The following PCDH7 variants were observed in gnomAD, a reference collection of about 807,000 sequenced individuals.
The protein encoded by PCDH7 is protocadherin-7.
PCDH7 carries 17 observed loss-of-function variants against 58.9 expected under a neutral mutation model. The observed-to-expected ratio is 0.29, with a 90% CI of 0.20 to 0.43. The LOEUF is 0.43. Ranked by LOEUF, PCDH7 falls within the 20% of genes least tolerant of loss-of-function variation. The pLI is 1.00. For synonymous variants in PCDH7, 664 were observed against 616.4 expected, an observed-to-expected ratio of 1.08 and a Z score of -1.14; for missense variants, 1,274 against 1,441.0, an observed-to-expected ratio of 0.88 and a Z score of 1.88.
At chr4:30,795,635 T>A (rs1296154034) in intron 1 of PCDH7, among the ~76,000 whole-genome samples, 3 of 152,204 alleles carry the variant, frequency 2.0e-5, no homozygotes, top group Non-Finnish European at 4.4e-5. Context: ...GCATGAGAAT[T>A]GCAAGGTTGT....
exon 1 of PCDH7, chr4:30,724,135 A>G (rs747566684): frequency 6.2e-7 from 1 of 1,614,078 alleles, no homozygotes; most frequent in Non-Finnish European, 8.5e-7. Flanking sequence ...AAGGTACTGC[A>G]GGTCCAAAAA....
At chr4:30,736,758 G>A (rs1171411906), downstream of PCDH7, among the ~76,000 whole-genome samples, 1 of 151,776 alleles carries the variant, frequency 6.6e-6, no homozygotes, top group South Asian at 2.1e-4. Context: ...GGATGGTCTC[G>A]ATATCTTGAC....
chr4:30,766,459 T>C (rs1402074755), intron 1 of PCDH7, among the ~76,000 whole-genome samples: 3 of 152,168 alleles, frequency 2.0e-5, no homozygotes, highest in Non-Finnish European at 4.4e-5. Context: ...AGTGATTTGA[T>C]CTAACAAGAC....
chr4:31,054,799 G>A (rs919001228), intron 3 of PCDH7, among the ~76,000 whole-genome samples: 2 of 152,148 alleles, frequency 1.3e-5, no homozygotes, highest in African/African-American at 2.4e-5. Flanking sequence ...TGTTGGTATC[G>A]TTCAGGTTAA....
chr4:31,014,936 T>C (rs1324196676), intron 3 of PCDH7, among the ~76,000 whole-genome samples: 1 of 152,184 alleles, frequency 6.6e-6, no homozygotes, highest in Non-Finnish European at 1.5e-5. Flanking sequence ...TTCTAGAATA[T>C]AAGCTAATGT....
chr4:30,968,388 A>ACAC (rs778938945), intron 3 of PCDH7, among the ~76,000 whole-genome samples: 4 of 54,560 alleles, frequency 7.3e-5, no homozygotes, highest in African/African-American at 5.1e-4. Flanking sequence ...ATATATATAT[A>ACAC]TATATATATA....
rs757274845 is a variant in PCDH7 at position 30,723,745 on chromosome 4, A to G, written c.2323A>G (p.Ile775Val). Residue 775 changes from isoleucine to valine, a missense_variant, in exon 1 of 2, where the codon ATC (isoleucine) becomes GTC (valine). Physicochemically the swap from Ile to Val is conservative, Grantham distance 29. Around this residue, in one of 3 missense-constraint regions of PCDH7, gnomAD observed 731 missense variants for 881.9 expected, o/e 0.83. Coordinates refer to ENST00000361762, the Ensembl canonical transcript of PCDH7. This position sits in a 1 kb window ranked among gnomAD's most constrained non-coding sequence, Gnocchi z 4.6. Reference sequence around the variant, plus strand: ...GTTGGCAACAGACAGTGATGATGGCATCAATGCAGACCTGAACTACAGCAT... The same window carrying G: ...GTTGGCAACAGACAGTGATGATGGCGTCAATGCAGACCTGAACTACAGCAT... The G allele has an allele frequency of 7.4e-6, 12 of 1,614,222 alleles. No homozygotes were observed. The highest frequency in any genetic ancestry group is 1.3e-5 in the African/African-American group (1 of 75,066).
chr4:31,136,024 A>G (rs1719557438), intron 3 of PCDH7, among the ~76,000 whole-genome samples: 1 of 152,238 alleles, frequency 6.6e-6, no homozygotes, highest in South Asian at 2.1e-4. Context: ...TTAAACATTT[A>G]TTACACAGAT....
chr4:31,142,233 A>T (rs1720350588), intron 3 of PCDH7, among the ~76,000 whole-genome samples: 1 of 152,138 alleles, frequency 6.6e-6, no homozygotes, highest in Admixed American at 6.5e-5. Context: ...TCATCTACAC[A>T]CTTAAATGTA....
chr4:30,834,247 G>T (rs1466847493), intron 1 of PCDH7, among the ~76,000 whole-genome samples: 1 of 152,116 alleles, frequency 6.6e-6, no homozygotes, highest in Non-Finnish European at 1.5e-5. Context: ...TTGGTTTAAT[G>T]GTTTGCTGTT....
chr4:30,895,938 A>C (rs1011082800), intron 1 of PCDH7, among the ~76,000 whole-genome samples: 1 of 152,168 alleles, frequency 6.6e-6, no homozygotes, highest in African/African-American at 2.4e-5. Flanking sequence ...TTGATGCTTT[A>C]CTTCTTCCGC....
intron 3 of PCDH7, among the ~76,000 whole-genome samples, chr4:31,106,936 G>A (rs1408968995): frequency 1.3e-5 from 2 of 152,082 alleles, no homozygotes; most frequent in African/African-American, 4.8e-5. Context: ...ATCCATTATG[G>A]TTTTCTAAGC....
intron 3 of PCDH7, among the ~76,000 whole-genome samples, chr4:30,958,970 C>T (rs1033240856): frequency 2.0e-5 from 3 of 151,902 alleles, no homozygotes; most frequent in Non-Finnish European, 2.9e-5. Context: ...GTGGAGGAGC[C>T]AGCTTGTCTT....
rs953432020 is a variant in PCDH7, at chr4:30,904,123, A to G, written c.71-16030A>G. Among the ~76,000 whole-genome samples the G allele has an allele frequency of 2.6e-5, 4 of 151,498 alleles. No individual in the cohort carries two copies. In the East Asian group the frequency reaches 5.9e-4, roughly 22 times the overall value. ...AAGCCCAACTCTGTCACTTCCATCT[A>G]CTCCCCACCATAACCAGGATCTACA... On this transcript the variant is annotated intron_variant, in intron 1 of 3. Transcript: ENST00000509759.
rs151172129 is a variant in PCDH7 at position 31,028,605 on chromosome 4, G to T, written c.*7+78390G>T. ...ACTTGAGACCAGGAGTTATGGCGAG[G>T]TCTTATCGCACTACTTCACTCCAGC... On this transcript the variant is annotated intron_variant, in intron 3 of 3. Transcript: ENST00000509759. Among the ~76,000 whole-genome samples the T allele has an allele frequency of 5.7e-3, 861 of 151,180 alleles. 7 individuals carry two copies. Among genetic ancestry groups the T allele is most frequent in the African/African-American group, 0.02 (821 of 41,138 alleles).
intron 3 of PCDH7, among the ~76,000 whole-genome samples, chr4:31,114,828 T>C (rs1262390451): frequency 6.6e-6 from 1 of 152,184 alleles, no homozygotes; most frequent in Non-Finnish European, 1.5e-5. Context: ...GTGAGAGCTA[T>C]CTTTCAAAGA....
At chr4:31,128,742 G>T (rs1298177688) in intron 3 of PCDH7, among the ~76,000 whole-genome samples, 3 of 152,122 alleles carry the variant, frequency 2.0e-5, no homozygotes, top group Admixed American at 6.5e-5. Flanking sequence ...TCTACTGACA[G>T]CACCCTGCTC....
chr4:31,062,017 T>C (rs1026955511), intron 3 of PCDH7, among the ~76,000 whole-genome samples: 10 of 151,738 alleles, frequency 6.6e-5, no homozygotes, highest in East Asian at 1.9e-4. Context: ...AGTAGAACCA[T>C]ACACAAGGGA....
intron 3 of PCDH7, among the ~76,000 whole-genome samples, chr4:31,008,981 CA>C (rs1752983348): frequency 6.6e-6 from 1 of 152,018 alleles, no homozygotes; most frequent in South Asian, 2.1e-4. Context: ...ACATAATATA[CA>C]AAGTCACTTC....
Sources: gnomAD v4.1 joint callset for allele counts (sites outside exome capture counted in the v4.1 genomes callset) on GRCh38, gnomAD v4.1.1 for gene constraint, gnomAD v4.1.1 regional missense constraint, Gnocchi (gnomAD v3.1) non-coding constraint, MANE v1.5 for transcripts, NCBI Gene and HGNC (gene_info 2026-07-23, HGNC 2026-07-21) for gene names.